FSTL4: variants seen among roughly 807,000 people sequenced by gnomAD.
The protein encoded by FSTL4 is follistatin like 4.
A neutral mutation model predicts 78.2 loss-of-function variants in FSTL4; 28 were observed. The ratio of observed to expected loss-of-function variants is 0.36; its 90% confidence interval spans 0.27 to 0.49. The LOEUF (loss-of-function observed/expected upper bound fraction) is 0.49, where lower values mean the gene tolerates loss of function less well. Among genes scored for constraint, FSTL4 ranks in the 20% least tolerant of loss-of-function variants. FSTL4 has a pLI of 0.98. For synonymous variants in FSTL4, 422 were observed against 440.5 expected (o/e 0.96, Z 0.53); for missense variants, 922 against 1,084.9 (o/e 0.85, Z 2.11).
intron 3 of FSTL4, among the ~76,000 whole-genome samples, chr5:133,540,651 A>T (rs932165391): frequency 2.8e-5 from 4 of 142,600 alleles, no homozygotes; most frequent in Non-Finnish European, 6.0e-5. Context: ...AAGCCTGGTG[A>T]GTCTTGGCTC....
chr5:133,374,152 C>T (rs559830545), intron 4 of FSTL4, among the ~76,000 whole-genome samples: 1 of 152,342 alleles, frequency 6.6e-6, no homozygotes, highest in East Asian at 1.9e-4. Context: ...CCTGGCTTCC[C>T]TATCCTCCTC....
chr5:133,520,340 C>G (rs2642703), intron 3 of FSTL4, among the ~76,000 whole-genome samples: 1 of 151,260 alleles, frequency 6.6e-6, no homozygotes, highest in East Asian at 2.0e-4. Context: ...GAGAAAGCCA[C>G]TCCACTCAAC....
At chr5:133,620,100 A>C in the FSTL4 span, among the ~76,000 whole-genome samples, 1 of 152,226 alleles carries the variant, frequency 6.6e-6, no homozygotes, top group South Asian at 2.1e-4. Context: ...TAGGGGATAG[A>C]ATGTATACAA....
the FSTL4 span, among the ~76,000 whole-genome samples, chr5:133,786,758 T>TAAC: frequency 1.1e-4 from 16 of 152,208 alleles, no homozygotes; most frequent in East Asian, 7.7e-4. Context: ...GTGGCAAAGA[T>TAAC]AACAACAACA....
chr5:133,420,619 G>T (rs867499861), intron 3 of FSTL4, among the ~76,000 whole-genome samples: 1 of 152,186 alleles, frequency 6.6e-6, no homozygotes, highest in South Asian at 2.1e-4. Context: ...TCAAATGATG[G>T]TGCCACCATA....
intron 3 of FSTL4, among the ~76,000 whole-genome samples, chr5:133,520,126 C>G (rs2112896909): frequency 6.6e-6 from 1 of 152,284 alleles, no homozygotes; most frequent in East Asian, 1.9e-4. Context: ...ACCCTCCCTT[C>G]TCCTTCCCTC....
At chr5:133,286,585 T>C (rs1753135687) in intron 6 of FSTL4, among the ~76,000 whole-genome samples, 1 of 152,330 alleles carries the variant, frequency 6.6e-6, no homozygotes, top group Non-Finnish European at 1.5e-5. Flanking sequence ...TGTGGCTCTC[T>C]GGAGCCCATG....
the FSTL4 span, among the ~76,000 whole-genome samples, chr5:133,666,151 C>T: frequency 3.3e-5 from 5 of 152,028 alleles, no homozygotes; most frequent in Admixed American, 2.0e-4. Flanking sequence ...CATCTGCACA[C>T]GAACCTGCCA....
the FSTL4 span, among the ~76,000 whole-genome samples, chr5:133,705,149 C>T: frequency 6.6e-6 from 1 of 152,290 alleles, no homozygotes; most frequent in Admixed American, 6.5e-5. Context: ...CAACCTCTGC[C>T]TCCCAGGTTC....
chr5:133,756,581 G>A, the FSTL4 span, among the ~76,000 whole-genome samples: 4 of 152,124 alleles, frequency 2.6e-5, no homozygotes, highest in Admixed American at 2.0e-4. Context: ...AAGAGGGGTT[G>A]TCAGGGGCTT....
At chr5:133,322,232 C>T (rs1007062935) in intron 4 of FSTL4, among the ~76,000 whole-genome samples, 5 of 98,978 alleles carry the variant, frequency 5.1e-5, no homozygotes, top group African/African-American at 9.4e-5. Context: ...CACCCACACA[C>T]ACACACACCC....
At chr5:133,837,232 T>C in the FSTL4 span, among the ~76,000 whole-genome samples, 37 of 152,052 alleles carry the variant, frequency 2.4e-4, no homozygotes, top group East Asian at 1.7e-3. Context: ...TCTATTGAAG[T>C]CTCAGTTATT....
At chr5:133,633,579 A>G in the FSTL4 span, among the ~76,000 whole-genome samples, 3 of 152,142 alleles carry the variant, frequency 2.0e-5, no homozygotes, top group African/African-American at 7.2e-5. Context: ...TTAAAATCTT[A>G]TCAAATAATT....
At chr5:133,824,243 G>C in the FSTL4 span, among the ~76,000 whole-genome samples, 1 of 152,328 alleles carries the variant, frequency 6.6e-6, no homozygotes. Flanking sequence ...ATAAATAGTG[G>C]GTTGCCACCT....
intron 7 of FSTL4, chr5:133,248,669 G>A (rs902704319): frequency 3.3e-5 from 5 of 152,198 alleles, no homozygotes; most frequent in African/African-American, 7.2e-5. Flanking sequence ...CAAAGCTGAC[G>A]TGGGTGATGC....
At chr5:133,711,962 A>T in the FSTL4 span, among the ~76,000 whole-genome samples, 1 of 152,136 alleles carries the variant, frequency 6.6e-6, no homozygotes, top group Non-Finnish European at 1.5e-5. Flanking sequence ...AAAACTGATG[A>T]CAGCTCAGAG....
At chr5:133,327,008 T>C (rs1461270451) in intron 4 of FSTL4, among the ~76,000 whole-genome samples, 2 of 152,082 alleles carry the variant, frequency 1.3e-5, no homozygotes, top group African/African-American at 4.8e-5. Context: ...ATGAGCCAAA[T>C]GCAGTCATTA....
At chr5:133,232,236 G>A (rs1001239544) in intron 8 of FSTL4, among the ~76,000 whole-genome samples, 3 of 152,220 alleles carry the variant, frequency 2.0e-5, no homozygotes, top group Admixed American at 2.0e-4. Context: ...GAGAGAGGAA[G>A]TAGTTGCTGG....
At chr5:133,634,633 A>C in the FSTL4 span, among the ~76,000 whole-genome samples, 102 of 152,364 alleles carry the variant, frequency 6.7e-4, no homozygotes, top group African/African-American at 2.4e-3. Flanking sequence ...TGTCTACTCC[A>C]TCATCCTAGA....
Sources: gnomAD v4.1 joint callset for allele counts (sites outside exome capture counted in the v4.1 genomes callset) on GRCh38, gnomAD v4.1.1 for gene constraint, MANE v1.5 for transcripts, NCBI Gene and HGNC (gene_info 2026-07-23, HGNC 2026-07-21) for gene names.